Variants in VIPAS39 observed in about 807,000 individuals in gnomAD.
VIPAS39 encodes the protein spermatogenesis-defective protein 39 homolog.
VIPAS39 carries 63 observed loss-of-function variants against 84.7 expected under a neutral mutation model. The observed-to-expected ratio is 0.74, with a 90% CI of 0.61 to 0.92. The LOEUF (loss-of-function observed/expected upper bound fraction) is 0.92, where lower values mean the gene tolerates loss of function less well. Among genes scored for constraint, VIPAS39 ranks in the 40% least tolerant of loss-of-function variants. VIPAS39 has a pLI of 0.00. For synonymous variants in VIPAS39, 192 were observed against 216.5 expected (o/e 0.89, Z 0.99); for missense variants, 499 against 604.5 (o/e 0.83, Z 1.83).
chr14:77,450,511 G>A (rs1404978926), intron 4 of VIPAS39, among the ~76,000 whole-genome samples: 1 of 152,038 alleles, frequency 6.6e-6, no homozygotes, highest in Non-Finnish European at 1.5e-5. Flanking sequence ...TAGATCATAT[G>A]TTATTTATTT....
At chr14:77,435,206 A>C in intron 14 of VIPAS39, 53 bp downstream of exon 14, 1 of 1,611,920 alleles carries the variant, frequency 6.2e-7, no homozygotes, top group Non-Finnish European at 8.5e-7. Flanking sequence ...GATTTGAACT[A>C]TCTTCTTTTT....
chr14:77,456,867 G>A (rs1438715864), intron 1 of VIPAS39, among the ~76,000 whole-genome samples: 1 of 152,176 alleles, frequency 6.6e-6, no homozygotes, highest in Admixed American at 6.6e-5. Flanking sequence ...AGTGGCTCTA[G>A]AGTTATAAAG....
chr14:77,438,567 T>C (rs953241707), intron 11 of VIPAS39, among the ~76,000 whole-genome samples: 2 of 152,256 alleles, frequency 1.3e-5, no homozygotes, highest in African/African-American at 2.4e-5. Context: ...AAAGTTCTAT[T>C]GGCCAGTGCT....
chr14:77,449,645 CA>C (rs1341835501), intron 5 of VIPAS39, 68 bp downstream of exon 5: 2 of 1,592,716 alleles, frequency 1.3e-6, no homozygotes, highest in Non-Finnish European at 1.7e-6. Context: ...TACCTGTCCC[CA>C]TAACTCCCCA....
At chr14:77,440,210 T>G (rs2078679969) in intron 11 of VIPAS39, 1 of 151,746 alleles carries the variant, frequency 6.6e-6, no homozygotes, top group Admixed American at 6.6e-5. Flanking sequence ...GCCAAGTTTT[T>G]TTTTTTTTTT....
At chr14:77,450,159 A>G (rs986708547) in intron 4 of VIPAS39, among the ~76,000 whole-genome samples, 4 of 152,096 alleles carry the variant, frequency 2.6e-5, no homozygotes, top group African/African-American at 9.7e-5. Flanking sequence ...CTTGGTAACC[A>G]CCATTCTACT....
Position 77,454,239 on chromosome 14 carries a change from A to C in VIPAS39, c.1-137T>G, listed in dbSNP as rs879095688. 344 of 770,730 alleles carry C rather than the reference A, an allele frequency of 4.5e-4. 4 individuals are homozygous for C. Among genetic ancestry groups the C allele is most frequent in the Middle Eastern group, 3.2e-4 (1 of 3,104 alleles). 47.7% of individuals were successfully genotyped at this position (770,730 alleles called of 1,614,324 possible). A position where few individuals can be genotyped will look rare whatever the true frequency, so the allele number is the denominator to read the frequency against. On this transcript the variant is annotated intron_variant, in intron 1 of 19. Transcript: ENST00000557658. ...AAGAATCTGGTAAAACAAATATTGA[A>C]CCTGCCATATAAAACCAGATTCTTG... is the stretch of plus-strand genomic sequence containing the variant.
chr14:77,451,128 C>T, intron 4 of VIPAS39, 59 bp downstream of exon 4: 2 of 1,611,566 alleles, frequency 1.2e-6, no homozygotes, highest in Non-Finnish European at 1.7e-6. Flanking sequence ...AAATTATGGC[C>T]TAAGATTTTT....
intron 16 of VIPAS39, among the ~76,000 whole-genome samples, chr14:77,431,571 G>A (rs2078523404): frequency 6.6e-6 from 1 of 152,252 alleles, no homozygotes; most frequent in African/African-American, 2.4e-5. Flanking sequence ...CCTGTCGGTG[G>A]GAATGTAGAT....
At chr14:77,444,152 C>G in intron 8 of VIPAS39, 97 bp downstream of exon 8, 1 of 1,235,320 alleles carries the variant, frequency 8.1e-7, no homozygotes, top group Non-Finnish European at 1.2e-6. Context: ...AGGATCTTTA[C>G]TTAACATTTA....
Position 77,429,714 on chromosome 14 carries a change from G to A in VIPAS39, c.1233C>T (p.Val411=), listed in dbSNP as rs751434164. ...GGGCATTGTTCTTGTGCAAAATTTC[G>A]ACAACCCGATGGAAGCCAATGGGTG... ...KRAPIGFHRV[V]EILHKNNAPV... Residue 411 remains valine (V), a synonymous_variant, in exon 17 of 20, where the codon GTC becomes GTT. Transcript: ENST00000557658. The A allele has an allele frequency of 1.1e-5, 17 of 1,614,008 alleles. No homozygotes were observed. The highest frequency in any genetic ancestry group is 5.5e-5 in the South Asian group (5 of 91,084).
chr14:77,430,686 C>T (rs2078507649), intron 16 of VIPAS39, among the ~76,000 whole-genome samples: 1 of 148,568 alleles, frequency 6.7e-6, no homozygotes, highest in Non-Finnish European at 1.5e-5. Flanking sequence ...CACTGCACTC[C>T]AGCCTGGGTG....
intron 16 of VIPAS39, among the ~76,000 whole-genome samples, chr14:77,431,404 G>A (rs147325413): frequency 1.3e-5 from 2 of 152,312 alleles, no homozygotes; most frequent in East Asian, 3.9e-4. Flanking sequence ...CATGGAAATG[G>A]CCAAGAAGTA....
chr14:77,455,316 A>G (rs2078944579), intron 1 of VIPAS39, among the ~76,000 whole-genome samples: 1 of 151,982 alleles, frequency 6.6e-6, no homozygotes, highest in Non-Finnish European at 1.5e-5. Context: ...CTGTCTCTAC[A>G]AAAAAATTTA....
chr14:77,428,937 ATAT>A, intron 18 of VIPAS39, 66 bp downstream of exon 18: 1 of 1,396,116 alleles, frequency 7.2e-7, no homozygotes, highest in Non-Finnish European at 1.0e-6. Context: ...TGGACAGAGA[ATAT>A]TATAATCCCC....
At position 77,449,187 on chromosome 14, in the gene VIPAS39, G is replaced by T. The variant is rs1179418430; in HGVS notation, c.447+106C>A. ...CCAGTTTTCTAATCTATAAAACAGG[G>T]TTAAAAAAATATCTACTCAAATAGT... On this transcript the variant is annotated intron_variant, in intron 6 of 19. Transcript: ENST00000557658. 5.4e-6 allele frequency: 7 copies of T among 1,297,164 alleles called. No individual in the cohort carries two copies. The Admixed American group carries it at 1.0e-4, about 19-fold the overall frequency. The allele number at this position is 1,297,164 out of a possible 1,614,324, so 80.4% of individuals were successfully genotyped here.
intron 11 of VIPAS39, 54 bp downstream of exon 11, chr14:77,441,012 C>G (rs1304653732): frequency 1.9e-6 from 3 of 1,607,836 alleles, no homozygotes; most frequent in African/African-American, 1.3e-5. Context: ...GCCACTGTGC[C>G]CAGCCTAGAT....
chr14:77,429,217 A>G (rs1008147557), intron 17 of VIPAS39, 122 bp from the exon 18 acceptor site: 3 of 811,256 alleles, frequency 3.7e-6, no homozygotes, highest in African/African-American at 3.4e-5. Flanking sequence ...TCCAGTTTCC[A>G]TCATCAACCA....
At chr14:77,452,024 T>A (rs1296305866) in intron 3 of VIPAS39, among the ~76,000 whole-genome samples, 1 of 152,032 alleles carries the variant, frequency 6.6e-6, no homozygotes, top group Non-Finnish European at 1.5e-5. Context: ...GAATATAAAG[T>A]CAATGATAGA....
Sources: gnomAD v4.1 joint callset for allele counts (sites outside exome capture counted in the v4.1 genomes callset) on GRCh38, gnomAD v4.1.1 for gene constraint, MANE v1.5 for transcripts, NCBI Gene and HGNC (gene_info 2026-07-23, HGNC 2026-07-21) for gene names.